The following GAS7 variants were observed in gnomAD, a reference collection of about 807,000 sequenced individuals.
The protein encoded by GAS7 is growth arrest-specific protein 7.
In GAS7, 28 loss-of-function variants were observed where a neutral mutation model predicts 71.1. The ratio of observed to expected loss-of-function variants is 0.39; its 90% CI spans 0.29 to 0.54. The LOEUF is 0.54. Among genes scored for constraint, GAS7 ranks in the 20% least tolerant of loss-of-function variants. The pLI is 0.62. For missense variants in GAS7, 436 were observed against 627.8 expected (o/e 0.69, Z 3.27); for synonymous variants, 258 against 245.8 (o/e 1.05, Z -0.46).
intron 2 of GAS7, among the ~76,000 whole-genome samples, chr17:10,017,630 G>T (rs2072094137): frequency 2.0e-5 from 3 of 152,102 alleles, no homozygotes; most frequent in Admixed American, 2.0e-4. Flanking sequence ...TGCCTGGCCA[G>T]AACGATGATA....
intron 1 of GAS7, among the ~76,000 whole-genome samples, chr17:10,092,878 T>C (rs901195286): frequency 3.3e-5 from 5 of 152,092 alleles, no homozygotes; most frequent in Non-Finnish European, 5.9e-5. Flanking sequence ...AATCTCCCTC[T>C]CTCTCTCAGA....
Position 9,955,700 on chromosome 17 carries a change from G to A in GAS7, c.525+3502C>T, listed in dbSNP as rs561964658. 9.9e-5 allele frequency among the ~76,000 whole-genome samples: 15 copies of A among 152,222 alleles called. No individual in the cohort carries two copies. In the East Asian group the frequency reaches 2.9e-3, roughly 29 times the overall value. ...TGTGCCAGGTCCCCACCAAAGGCAG[G>A]GGCTCAAAAAGGAAGGGTGCTCAAG... On this transcript the variant is annotated intron_variant, in intron 5 of 13. Transcript: ENST00000432992.
chr17:10,071,757 A>AAAT (rs148705126), intron 1 of GAS7, among the ~76,000 whole-genome samples: 8,331 of 150,700 alleles, frequency 0.055, 253 homozygotes, highest in Middle Eastern at 0.079. Context: ...AAACCCCTTC[A>AAAT]AATAATAATA....
rs144545146 is a variant in GAS7, at chr17:10,130,892, G to T, written c.183+67316C>A. On this transcript the variant is annotated intron_variant, in intron 1 of 13. Transcript: ENST00000432992. ...AGTGACTGCTAATGGGAATGGCATT[G>T]CTTTTTGAGGTGCTGGAAATGTTCT... 9.3e-3 allele frequency among the ~76,000 whole-genome samples: 1,411 copies of T among 152,308 alleles called. 30 individuals are homozygous for T. Among genetic ancestry groups the T allele is most frequent in the African/African-American group, 0.033 (1,368 of 41,580 alleles).
intron 1 of GAS7, among the ~76,000 whole-genome samples, chr17:10,165,291 C>CAAAAAAAAAAAAAAA (rs71365731): frequency 2.6e-5 from 2 of 77,644 alleles, no homozygotes; most frequent in Non-Finnish European, 5.3e-5. Flanking sequence ...GATTCCTTCT[C>CAAAAAAAAAAAAAAA]AAAAAAAAAA....
chr17:10,181,598 T>C (rs1034679719), intron 1 of GAS7, among the ~76,000 whole-genome samples: 4 of 151,946 alleles, frequency 2.6e-5, no homozygotes, highest in South Asian at 2.1e-4. Flanking sequence ...GCTCAGGAGA[T>C]AGACAGGGGT....
At chr17:10,019,299 A>G (rs1212678007) in intron 2 of GAS7, among the ~76,000 whole-genome samples, 1 of 152,208 alleles carries the variant, frequency 6.6e-6, no homozygotes, top group Non-Finnish European at 1.5e-5. Flanking sequence ...TACTTAAGGA[A>G]AAAGATGACG....
intron 2 of GAS7, among the ~76,000 whole-genome samples, chr17:10,012,795 G>C (rs968010102): frequency 1.3e-5 from 2 of 151,976 alleles, no homozygotes; most frequent in African/African-American, 4.8e-5. Context: ...CCATCATGGG[G>C]TTAGTGCCAT....
intron 2 of GAS7, among the ~76,000 whole-genome samples, chr17:10,012,107 C>G (rs1479404695): frequency 1.3e-5 from 2 of 151,886 alleles, no homozygotes; most frequent in Non-Finnish European, 2.9e-5. Context: ...TTGACTAATA[C>G]ATTAAACTAA....
At chr17:10,005,038 C>T (rs868612766) in intron 2 of GAS7, among the ~76,000 whole-genome samples, 2 of 124,650 alleles carry the variant, frequency 1.6e-5, no homozygotes, top group African/African-American at 4.1e-5. Context: ...TCTATATATA[C>T]ATACATATAT....
At chr17:10,193,770 C>T (rs1254645911) in intron 1 of GAS7, among the ~76,000 whole-genome samples, 1 of 152,090 alleles carries the variant, frequency 6.6e-6, no homozygotes, top group Non-Finnish European at 1.5e-5. Context: ...CTAGTTGAGC[C>T]TCCAAGACTC....
At position 10,145,479 on chromosome 17, in the gene GAS7, G is replaced by A. The variant is rs532776680; in HGVS notation, c.183+52729C>T. On this transcript the variant is annotated intron_variant, in intron 1 of 13. Coordinates refer to ENST00000432992, the MANE Select transcript of GAS7 (RefSeq NM_201433.2). The stretch of plus-strand genomic sequence containing the variant: ...CTAGGAAGGAGGCAGTAGAGGCTTG[G>A]ATGAAACCTTACAAGGCCCTAGAAC... Among the ~76,000 whole-genome samples the A allele has an allele frequency of 1.2e-4, 18 of 152,348 alleles. No individual in the cohort carries two copies. In the East Asian group the frequency reaches 3.5e-3, roughly 29 times the overall value.
rs538935192 is a variant in GAS7, at chr17:10,135,620, G to A, written c.183+62588C>T. Reference sequence around the variant, plus strand: ...TTAATGTGTGGTTTCCCATCTCCACGTGGTGGGAATAAGCCAGCAGAGAGG... The same window carrying A: ...TTAATGTGTGGTTTCCCATCTCCACATGGTGGGAATAAGCCAGCAGAGAGG... On this transcript the variant is annotated intron_variant, in intron 1 of 13. Coordinates refer to ENST00000432992, the MANE Select transcript of GAS7 (RefSeq NM_201433.2). Among the ~76,000 whole-genome samples, 9 of 152,292 alleles carry A rather than the reference G, an allele frequency of 5.9e-5. No homozygotes were observed. In the East Asian group the frequency reaches 1.2e-3, roughly 20 times the overall value.
chr17:9,970,481 A>G (rs2069916437), intron 3 of GAS7, among the ~76,000 whole-genome samples: 2 of 151,948 alleles, frequency 1.3e-5, no homozygotes, highest in South Asian at 4.1e-4. Context: ...AATACAAAAA[A>G]ATTAGCCAGG....
At chr17:10,115,606 A>G (rs1192622118) in intron 1 of GAS7, among the ~76,000 whole-genome samples, 1 of 151,996 alleles carries the variant, frequency 6.6e-6, no homozygotes, top group Non-Finnish European at 1.5e-5. Flanking sequence ...GGGGTCCCCT[A>G]GCATGAGGTG....
At chr17:9,924,619 C>T (rs577096566) in intron 11 of GAS7, 21 of 145,956 alleles carry the variant, frequency 1.4e-4, no homozygotes, top group African/African-American at 5.0e-4. Flanking sequence ...GTATAATAAA[C>T]GTTATCCTTC....
Position 10,128,677 on chromosome 17 carries a change from C to T in GAS7, c.183+69531G>A, listed in dbSNP as rs144261518. ...TAGAGTCACCCACGCTGGAGTGCAG[C>T]GGCGTGATCTCGGCTCACTGCAAGC... On this transcript the variant is annotated intron_variant, in intron 1 of 13. Transcript: ENST00000432992. 1.5e-4 allele frequency among the ~76,000 whole-genome samples: 23 copies of T among 150,340 alleles called. No individual in the cohort carries two copies. In the East Asian group the frequency reaches 4.1e-3, roughly 27 times the overall value.
chr17:9,990,424 A>G (rs1270811557), intron 2 of GAS7, among the ~76,000 whole-genome samples: 1 of 152,196 alleles, frequency 6.6e-6, no homozygotes, highest in East Asian at 1.9e-4. Flanking sequence ...GTTACAACCT[A>G]GTCTCAAAAG....
chr17:9,935,448 T>G (rs900634136), intron 8 of GAS7, among the ~76,000 whole-genome samples: 27 of 152,224 alleles, frequency 1.8e-4, no homozygotes, highest in Non-Finnish European at 7.3e-5. Context: ...GCTCCCAGCC[T>G]CTTCAACACA....
Sources: gnomAD v4.1 joint callset for allele counts (sites outside exome capture counted in the v4.1 genomes callset) on GRCh38, gnomAD v4.1.1 for gene constraint, MANE v1.5 for transcripts, NCBI Gene and HGNC (gene_info 2026-07-23, HGNC 2026-07-21) for gene names.